The following SMC2 variants were observed in gnomAD, a reference collection of about 807,000 sequenced individuals.
The protein encoded by SMC2 is structural maintenance of chromosomes 2.
Under a neutral mutation model 142.6 loss-of-function variants are expected in SMC2, and 41 were observed. That is an observed-to-expected ratio of 0.29 (90% CI 0.22 to 0.37). SMC2 has a LOEUF of 0.37. Among genes scored for constraint, SMC2 ranks in the 10% least tolerant of loss-of-function variants. The pLI, the probability that SMC2 is intolerant of heterozygous loss-of-function variation, is 1.00. For missense variants in SMC2, 1,265 were observed against 1,373.7 expected (o/e 0.92, Z 1.25); for synonymous variants, 463 against 457.5 (o/e 1.01, Z -0.15).
intron 22 of SMC2, among the ~76,000 whole-genome samples, chr9:104,133,060 T>C (rs1009849330): frequency 2.0e-5 from 3 of 152,160 alleles, no homozygotes; most frequent in African/African-American, 7.2e-5. Flanking sequence ...CAGCATTATA[T>C]TCTTCCTTCT....
At chr9:104,095,232 T>C (rs547532406) in intron 1 of SMC2, 92 bp from the exon 2 acceptor site, 47 of 595,340 alleles carry the variant, frequency 7.9e-5, no homozygotes, top group African/African-American at 7.3e-4. Flanking sequence ...CTGTTTTATT[T>C]CTATCACCCT....
Position 104,098,716 on chromosome 9 carries a change from G to C in SMC2, c.441+148G>C, listed in dbSNP as rs1410075044. 4 of 733,414 alleles carry C rather than the reference G, an allele frequency of 5.5e-6. No individual in the cohort carries two copies. The African/African-American group carries it at 5.5e-5, about 10-fold the overall frequency. The allele number at this position is 733,414 out of a possible 1,614,324, so 45.4% of individuals were successfully genotyped here. A position where few individuals can be genotyped will look rare whatever the true frequency, so the allele number is the denominator to read the frequency against. On this transcript the variant is annotated intron_variant, in intron 4 of 24. Coordinates refer to ENST00000374793, the MANE Select transcript of SMC2 (RefSeq NM_006444.3). Reference sequence around the variant, plus strand: ...GTCCGGCCATCTGTTTAGAAATATGGTTTAGTTACTTGCACTGATATATTC... The same window carrying C: ...GTCCGGCCATCTGTTTAGAAATATGCTTTAGTTACTTGCACTGATATATTC...
chr9:104,099,526 C>G, intron 4 of SMC2, 118 bp from the exon 5 acceptor site: 1 of 646,376 alleles, frequency 1.5e-6, no homozygotes, highest in Non-Finnish European at 2.7e-6. Context: ...AGGAAAGACC[C>G]CCCCAAAGAT....
intron 17 of SMC2, 25 bp from the exon 18 acceptor site, chr9:104,124,887 C>A: frequency 6.5e-7 from 1 of 1,547,056 alleles, no homozygotes; most frequent in African/African-American, 1.4e-5. Flanking sequence ...TTAACTTAGC[C>A]ACATTTGCTT....
upstream of SMC2, among the ~76,000 whole-genome samples, chr9:104,090,910 AAAG>A (rs1564054544): frequency 6.6e-6 from 1 of 152,252 alleles, no homozygotes; most frequent in African/African-American, 2.4e-5. Context: ...AATCATAATG[AAAG>A]AAGAGGCAGA....
upstream of SMC2, among the ~76,000 whole-genome samples, chr9:104,093,753 C>T (rs1830152662): frequency 6.6e-6 from 1 of 152,172 alleles, no homozygotes; most frequent in South Asian, 2.1e-4. Flanking sequence ...CCCCGAGGTC[C>T]GAGGCCAGTA....
At chr9:104,094,166 T>G, upstream of SMC2, 1 of 384,614 alleles carries the variant, frequency 2.6e-6, no homozygotes. Flanking sequence ...GGAGCTACCA[T>G]TATCGAGACT....
chr9:104,134,591 G>T lies in SMC2; in HGVS notation c.3269+16G>T, dbSNP rs763301377. The T allele has an allele frequency of 7.0e-7, 1 of 1,425,602 alleles. No homozygotes were observed. Among genetic ancestry groups the T allele is most frequent in the South Asian group, 1.3e-5 (1 of 78,068 alleles). The allele number at this position is 1,425,602 out of a possible 1,614,324, so 88.3% of individuals were successfully genotyped here. ...GTGGTCAGAGGTGAGGAATCACTTT[G>T]CTATATTATAATTTTCATTCCTCTT... On this transcript the variant is annotated intron_variant, in intron 23 of 24. Coordinates refer to ENST00000374793, the MANE Select transcript of SMC2 (RefSeq NM_006444.3).
rs201613718 is a variant in SMC2, at chr9:104,102,053, G to T, written c.730G>T (p.Asp244Tyr). Residue 244 changes from aspartate (D) to tyrosine (Y), a missense_variant, in exon 8 of 25, where the codon GAT becomes TAT. Asp to Tyr is a radical substitution (Grantham distance 160, BLOSUM62 -3). This residue lies in a region of SMC2 where 898 missense variants were observed against 904.2 expected (regional missense o/e 0.99). Coordinates refer to ENST00000374793, the MANE Select transcript of SMC2 (RefSeq NM_006444.3). ...YIAYQFLLAE[D>Y]TKVRSAEELK... ...TGCTTATCAGTTTTTGCTGGCTGAA[G>T]ATACCAAAGTACGCTCAGCTGAGGA... 6.1e-5 allele frequency: 98 copies of T among 1,610,928 alleles called. No homozygotes were observed. The highest frequency in any genetic ancestry group is 7.3e-5 in the Non-Finnish European group (86 of 1,177,676).
At position 104,123,189 on chromosome 9, in the gene SMC2, T is replaced by C. The variant is rs199578109; in HGVS notation, c.2214T>C (p.Tyr738=). 20 of 1,612,826 alleles carry C rather than the reference T, an allele frequency of 1.2e-5. No homozygotes were observed. The highest frequency in any genetic ancestry group is 1.7e-5 in the Non-Finnish European group (20 of 1,179,382). The part of the protein sequence containing the change: ...LLQTKLQQSS[Y]HKQQEELDAL... ...AAACCAAGCTCCAGCAAAGCTCATATCACAAGCAACAAGAAGAATTAGATG... is the reference window on the plus strand; with the variant it reads ...AAACCAAGCTCCAGCAAAGCTCATACCACAAGCAACAAGAAGAATTAGATG... The change falls in exon 17 of 25, where the codon TAT becomes TAC. Residue 738 remains tyrosine, a synonymous_variant. Coordinates refer to ENST00000374793, the MANE Select transcript of SMC2 (RefSeq NM_006444.3).
intron 3 of SMC2, among the ~76,000 whole-genome samples, chr9:104,097,968 T>C (rs1830644083): frequency 6.6e-6 from 1 of 152,216 alleles, no homozygotes; most frequent in Non-Finnish European, 1.5e-5. Context: ...GAAACCATAC[T>C]GAAGCTCCAT....
At chr9:104,120,314 C>T (rs1833586701) in intron 16 of SMC2, 152 bp downstream of exon 16, 1 of 694,894 alleles carries the variant, frequency 1.4e-6, no homozygotes, top group African/African-American at 1.9e-5. Context: ...TGATAACTTA[C>T]CATTTATCCA....
At chr9:104,134,802 A>G (rs1375791306) in intron 23 of SMC2, among the ~76,000 whole-genome samples, 1 of 152,132 alleles carries the variant, frequency 6.6e-6, no homozygotes, top group African/African-American at 2.4e-5. Context: ...ATCTATTTTC[A>G]AATATTAGAA....
chr9:104,100,908 G>T (rs1188938664), intron 7 of SMC2, among the ~76,000 whole-genome samples: 1 of 152,108 alleles, frequency 6.6e-6, no homozygotes, highest in Non-Finnish European at 1.5e-5. Context: ...AAAAGACATG[G>T]CACAATATGT....
intron 13 of SMC2, among the ~76,000 whole-genome samples, chr9:104,115,332 T>C (rs930357788): frequency 2.6e-5 from 4 of 151,924 alleles, no homozygotes; most frequent in Non-Finnish European, 4.4e-5. Flanking sequence ...CCCAGCACTT[T>C]GGGAGGCTGA....
At chr9:104,107,117 T>C (rs977322780) in intron 9 of SMC2, among the ~76,000 whole-genome samples, 1 of 152,178 alleles carries the variant, frequency 6.6e-6, no homozygotes, top group Non-Finnish European at 1.5e-5. Context: ...CCAACTGGGC[T>C]TGATTTCAAA....
chr9:104,090,698 T>C (rs1374381300), upstream of SMC2, among the ~76,000 whole-genome samples: 1 of 152,186 alleles, frequency 6.6e-6, no homozygotes, highest in Admixed American at 6.5e-5. Flanking sequence ...AGGGACTCTT[T>C]TGCAACTAAG....
chr9:104,128,681 T>C (rs2131518492), intron 20 of SMC2, among the ~76,000 whole-genome samples: 1 of 152,342 alleles, frequency 6.6e-6, no homozygotes, highest in African/African-American at 2.4e-5. Flanking sequence ...TTAACAAGGA[T>C]TGGATTCTGC....
chr9:104,106,557 C>T (rs1831809699), intron 9 of SMC2, among the ~76,000 whole-genome samples: 1 of 151,922 alleles, frequency 6.6e-6, no homozygotes, highest in Non-Finnish European at 1.5e-5. Flanking sequence ...CCACGCCTGG[C>T]TAATTTTGTA....
Sources: gnomAD v4.1 joint callset for allele counts (sites outside exome capture counted in the v4.1 genomes callset) on GRCh38, gnomAD v4.1.1 for gene constraint, gnomAD v4.1.1 regional missense constraint, MANE v1.5 for transcripts, NCBI Gene and HGNC (gene_info 2026-07-23, HGNC 2026-07-21) for gene names.